TECRL: variants seen among roughly 807,000 people sequenced by gnomAD.
TECRL encodes trans-2,3-enoyl-CoA reductase-like.
TECRL carries 63 observed loss-of-function variants against 52.8 expected under a neutral mutation model. That is an observed-to-expected ratio of 1.19 (90% CI 0.97 to 1.47). The LOEUF (loss-of-function observed/expected upper bound fraction) is 1.47, where lower values mean the gene tolerates loss of function less well. Among genes scored for constraint, TECRL ranks in the 40% most tolerant of loss-of-function variants. TECRL has a pLI of 0.00. For synonymous variants in TECRL, 164 were observed against 141.9 expected (o/e 1.16, Z -1.10); for missense variants, 482 against 429.6 (o/e 1.12, Z -1.08).
chr4:64,386,786 C>G (rs759947473), intron 1 of TECRL, among the ~76,000 whole-genome samples: 2 of 152,046 alleles, frequency 1.3e-5, no homozygotes, highest in Non-Finnish European at 1.5e-5. Context: ...CATTTTAGAG[C>G]AGTTTTAGGT....
At chr4:64,408,159 T>C (rs1319327268) in intron 1 of TECRL, among the ~76,000 whole-genome samples, 2 of 151,830 alleles carry the variant, frequency 1.3e-5, no homozygotes, top group African/African-American at 4.8e-5. Flanking sequence ...AAATTATATA[T>C]TATGTGCTTG....
chr4:64,340,805 G>T (rs981601734), intron 2 of TECRL, among the ~76,000 whole-genome samples: 2 of 152,178 alleles, frequency 1.3e-5, no homozygotes, highest in Non-Finnish European at 2.9e-5. Context: ...TGAACTTGTG[G>T]TGTCTTTTCT....
chr4:64,382,701 AT>A (rs1722899664), intron 1 of TECRL, among the ~76,000 whole-genome samples: 1 of 151,978 alleles, frequency 6.6e-6, no homozygotes, highest in Admixed American at 6.6e-5. Flanking sequence ...ATCTCTTTAT[AT>A]TGTAGGTTGT....
chr4:64,292,605 T>C (rs1426683261), intron 8 of TECRL, among the ~76,000 whole-genome samples: 4 of 151,994 alleles, frequency 2.6e-5, no homozygotes, highest in African/African-American at 9.7e-5. Context: ...CAATTAAAAA[T>C]TTTTAATAAT....
intron 6 of TECRL, 25 bp downstream of exon 6, chr4:64,309,801 T>G: frequency 7.1e-7 from 1 of 1,405,522 alleles, no homozygotes. Context: ...TCTCAATCAT[T>G]ATTAAAAACA....
At chr4:64,365,747 A>G (rs1361748668) in intron 2 of TECRL, among the ~76,000 whole-genome samples, 2 of 152,112 alleles carry the variant, frequency 1.3e-5, no homozygotes, top group Non-Finnish European at 2.9e-5. Flanking sequence ...AAGAAACAAA[A>G]AAAAATTACA....
At chr4:64,282,987 T>C (rs1398189461) in intron 9 of TECRL, among the ~76,000 whole-genome samples, 1 of 151,698 alleles carries the variant, frequency 6.6e-6, no homozygotes, top group Non-Finnish European at 1.5e-5. Context: ...ATATAAGGTT[T>C]ATTCTATTTC....
intron 6 of TECRL, among the ~76,000 whole-genome samples, chr4:64,308,682 T>C (rs958138593): frequency 6.6e-6 from 1 of 152,194 alleles, no homozygotes; most frequent in Non-Finnish European, 1.5e-5. Context: ...TTAATTCTTC[T>C]TGGTTGTGAG....
chr4:64,374,763 AGTATTCCATGGTGT>A (rs1261628819), intron 2 of TECRL, among the ~76,000 whole-genome samples: 5 of 152,108 alleles, frequency 3.3e-5, no homozygotes, highest in Non-Finnish European at 7.4e-5. Flanking sequence ...ATGGCTGCAT[AGTATTCCATGGTGT>A]GTATGTGCCA....
At chr4:64,344,875 G>C (rs1665366552) in intron 2 of TECRL, among the ~76,000 whole-genome samples, 1 of 152,180 alleles carries the variant, frequency 6.6e-6, no homozygotes, top group Admixed American at 6.5e-5. Flanking sequence ...GCCAATGTGA[G>C]TCAGGTAGCT....
intron 1 of TECRL, among the ~76,000 whole-genome samples, 172 bp from the exon 2 acceptor site, chr4:64,375,395 A>G (rs1221019413): frequency 3.3e-5 from 5 of 151,958 alleles, no homozygotes; most frequent in African/African-American, 9.7e-5. Context: ...TGCAATCAGT[A>G]ACAATATAAT....
intron 5 of TECRL, among the ~76,000 whole-genome samples, chr4:64,313,359 TTC>T (rs1717198164): frequency 1.3e-5 from 2 of 151,990 alleles, no homozygotes; most frequent in Non-Finnish European, 2.9e-5. Flanking sequence ...TGAATAAATA[TTC>T]TCTTTCAATT....
chr4:64,373,863 A>G (rs934145936), intron 2 of TECRL, among the ~76,000 whole-genome samples: 5 of 150,236 alleles, frequency 3.3e-5, no homozygotes, highest in South Asian at 2.1e-4. Context: ...ATGCTAAGAT[A>G]GAAATAACTA....
chr4:64,292,575 T>A (rs973948789), intron 8 of TECRL, among the ~76,000 whole-genome samples: 2 of 152,022 alleles, frequency 1.3e-5, no homozygotes, highest in African/African-American at 4.8e-5. Flanking sequence ...ATTAAGAATA[T>A]TAAATGACTT....
chr4:64,392,129 T>C lies in TECRL; in HGVS notation c.235-16906A>G, dbSNP rs1027966637. On this transcript the variant is annotated intron_variant, in intron 1 of 11. Transcript: ENST00000381210. ...GACAAAGCAGAAGTCATCTGCAACA[T>C]TGACTGTTTCTAAGGCAAAAGCTAA... Among the ~76,000 whole-genome samples the C allele has an allele frequency of 1.1e-4, 17 of 151,890 alleles. 1 individual carries two copies. The highest frequency in any genetic ancestry group is 1.1e-3 in the Admixed American group (17 of 15,216).
intron 2 of TECRL, among the ~76,000 whole-genome samples, chr4:64,354,608 G>GAGCT (rs958984635): frequency 1.3e-5 from 2 of 152,168 alleles, no homozygotes; most frequent in Non-Finnish European, 2.9e-5. Flanking sequence ...TTCTTTAATA[G>GAGCT]AGCTCTAGTG....
rs185605250 is a variant in TECRL, at chr4:64,368,015, T to C, written c.286+7157A>G. On this transcript the variant is annotated intron_variant, in intron 2 of 11. Coordinates refer to ENST00000381210, the MANE Select transcript of TECRL (RefSeq NM_001010874.5). Reference sequence around the variant, plus strand: ...GGTTTTATTAACCTGGTAGTGTTAATCTCAATCTTGAAAGCCACATATACT... The same window carrying C: ...GGTTTTATTAACCTGGTAGTGTTAACCTCAATCTTGAAAGCCACATATACT... Among the ~76,000 whole-genome samples the C allele has an allele frequency of 1.2e-3, 188 of 152,152 alleles. 1 individual carries two copies. Among genetic ancestry groups the C allele is most frequent in the African/African-American group, 4.4e-3 (183 of 41,528 alleles).
intron 7 of TECRL, among the ~76,000 whole-genome samples, chr4:64,300,866 A>G (rs1723979357): frequency 6.6e-6 from 1 of 151,044 alleles, no homozygotes; most frequent in Non-Finnish European, 1.5e-5. Context: ...AATGCAAGAC[A>G]TGGCTAGCTC....
chr4:64,308,540 AAAGGCCCAG>A (rs1724483524), intron 6 of TECRL, among the ~76,000 whole-genome samples: 1 of 152,126 alleles, frequency 6.6e-6, no homozygotes, highest in African/African-American at 2.4e-5. Flanking sequence ...TTCCCACATA[AAAGGCCCAG>A]AATTTATCCG....
Sources: allele counts gnomAD v4.1 joint callset (sites outside exome capture counted in the v4.1 genomes callset), GRCh38; gene constraint gnomAD v4.1.1; transcripts MANE v1.5; gene names NCBI Gene and HGNC (gene_info 2026-07-23, HGNC 2026-07-21).